Variants in SCYL2 observed in about 807,000 individuals in gnomAD.
SCYL2 encodes SCY1-like protein 2.
SCYL2 carries 36 observed loss-of-function variants against 100.4 expected under a neutral mutation model. The ratio of observed to expected loss-of-function variants is 0.36; its 90% CI spans 0.27 to 0.47. The LOEUF (loss-of-function observed/expected upper bound fraction) is 0.47. SCYL2 is among the 20% of genes least tolerant of loss of function. SCYL2 has a pLI of 1.00. For missense variants in SCYL2, 902 were observed against 1,083.9 expected, an observed-to-expected ratio of 0.83 and a Z score of 2.36; for synonymous variants, 330 against 359.2, an observed-to-expected ratio of 0.92 and a Z score of 0.92.
chr12:100,320,778 A>C (rs1033215134), intron 10 of SCYL2, among the ~76,000 whole-genome samples: 11 of 152,100 alleles, frequency 7.2e-5, no homozygotes, highest in African/African-American at 2.7e-4. Context: ...AAGTCTGCCT[A>C]TCTCTGTCTC....
chr12:100,305,314 A>G (rs2096332930), intron 4 of SCYL2, among the ~76,000 whole-genome samples: 1 of 152,266 alleles, frequency 6.6e-6, no homozygotes, highest in African/African-American at 2.4e-5. Flanking sequence ...CTCTCAGACC[A>G]CAGTGCAATC....
chr12:100,291,510 C>T lies in SCYL2; in HGVS notation c.185C>T (p.Ala62Val). 6.5e-7 allele frequency: 1 copy of T among 1,536,608 alleles called. No homozygotes were observed. The highest frequency in any genetic ancestry group is 1.3e-5 in the South Asian group (1 of 78,082). Residue 62 changes from alanine (A) to valine (V), a missense_variant, in exon 3 of 18, where the codon GCA (alanine) becomes GTA (valine). Ala to Val is a moderately conservative substitution (Grantham distance 64). Coordinates refer to ENST00000360820, the MANE Select transcript of SCYL2 (RefSeq NM_017988.6). ...GTKKSTKQEV[A>V]VFVFDKKLID... ...CACAATTCTTTTATTTAGGAAGTGG[C>T]AGTTTTTGTCTTTGATAAAAAACTG...
chr12:100,338,973 G>C lies in SCYL2; in HGVS notation c.2591G>C (p.Trp864Ser), dbSNP rs767838633. The C allele has an allele frequency of 6.2e-7, 1 of 1,614,096 alleles. No individual in the cohort carries two copies. Among genetic ancestry groups the C allele is most frequent in the Non-Finnish European group, 8.5e-7 (1 of 1,179,984 alleles). ...NQLSQQKPNQ[W>S]LNQFVPPQGS... Reference sequence around the variant, plus strand: ...TTATCACAACAGAAACCAAATCAGTGGCTTAATCAGTTTGTACCTCCTCAA... The same window carrying C: ...TTATCACAACAGAAACCAAATCAGTCGCTTAATCAGTTTGTACCTCCTCAA... The change falls in exon 18 of 18, where the codon TGG becomes TCG. Residue 864 changes from tryptophan (W) to serine (S), a missense_variant. Transcript: ENST00000360820.
intron 4 of SCYL2, 26 bp from the exon 5 acceptor site, chr12:100,311,018 G>A (rs2096341516): frequency 6.6e-7 from 1 of 1,516,244 alleles, no homozygotes; most frequent in Non-Finnish European, 8.8e-7. Context: ...TTTATTTAGT[G>A]TAAAATGTGT....
Position 100,323,615 on chromosome 12 carries a change from T to C in SCYL2, c.1486T>C (p.Cys496Arg), listed in dbSNP as rs757627086. ...NALIPRIKNA[C>R]LQTSSLAVRV... is the part of the protein sequence containing the mutation. ...TTTGATACCAAGAATTAAAAATGCT[T>C]GTCTACAAACATCTTCCCTTGCGGT... Residue 496 changes from cysteine to arginine, a missense_variant, in exon 11 of 18, where the codon TGT becomes CGT. Physicochemically the swap from Cys to Arg is radical, Grantham distance 180. Coordinates refer to ENST00000360820, the MANE Select transcript of SCYL2 (RefSeq NM_017988.6). 6.3e-7 allele frequency: 1 copy of C among 1,594,584 alleles called. No homozygotes were observed. Among genetic ancestry groups the C allele is most frequent in the Non-Finnish European group, 8.6e-7 (1 of 1,167,172 alleles).
intron 3 of SCYL2, among the ~76,000 whole-genome samples, chr12:100,297,112 G>A (rs556564758): frequency 1.3e-5 from 2 of 152,298 alleles, no homozygotes; most frequent in South Asian, 4.1e-4. Context: ...AGAGCCTAAA[G>A]CCCAAGGCCT....
chr12:100,328,414 G>C (rs1273916441), intron 12 of SCYL2, among the ~76,000 whole-genome samples: 1 of 152,202 alleles, frequency 6.6e-6, no homozygotes, highest in Non-Finnish European at 1.5e-5. Context: ...GTCATTTTAG[G>C]ATTCTTGTGA....
At chr12:100,290,862 G>A (rs1430962986) in intron 2 of SCYL2, among the ~76,000 whole-genome samples, 1 of 151,946 alleles carries the variant, frequency 6.6e-6, no homozygotes, top group Non-Finnish European at 1.5e-5. Flanking sequence ...TTTTTCCTTG[G>A]GTATCTGAGG....
At chr12:100,312,859 T>G (rs1041217257) in intron 6 of SCYL2, among the ~76,000 whole-genome samples, 1 of 152,224 alleles carries the variant, frequency 6.6e-6, no homozygotes, top group South Asian at 2.1e-4. Flanking sequence ...GGCTCACGCC[T>G]GTAATCCCAG....
In SCYL2 at chr12:100,267,345, G is replaced by C; in HGVS notation, c.-476G>C. On this transcript the variant is annotated 5_prime_UTR_variant, in exon 1 of 18. Coordinates refer to ENST00000360820, the MANE Select transcript of SCYL2 (RefSeq NM_017988.6). ...AGGAACAGCCAGGAGGCGTTTATTA[G>C]GGGGGCGGGGGGAAAGAGCCCCAGC... 1 of 339,872 alleles carries C rather than the reference G, an allele frequency of 2.9e-6. No individual in the cohort carries two copies. Among genetic ancestry groups the C allele is most frequent in the South Asian group, 6.4e-5 (1 of 15,712 alleles). 21.1% of individuals were successfully genotyped at this position (339,872 alleles called of 1,614,324 possible). A position where few individuals can be genotyped will look rare whatever the true frequency, so the allele number is the denominator to read the frequency against.
At chr12:100,284,564 G>A (rs769911785) in intron 2 of SCYL2, among the ~76,000 whole-genome samples, 4 of 152,140 alleles carry the variant, frequency 2.6e-5, no homozygotes, top group Non-Finnish European at 5.9e-5. Context: ...CCAGGTTGAA[G>A]CAATTCTCCC....
At position 100,281,019 on chromosome 12, in the gene SCYL2, G is replaced by GTTTTGTTTTTTT. The variant is rs2096297553; in HGVS notation, c.-28-1920_-28-1919insGTTTTTTTTTTT. Among the ~76,000 whole-genome samples the GTTTTGTTTTTTT allele has an allele frequency of 1.5e-3, 78 of 50,486 alleles. 4 individuals are homozygous for GTTTTGTTTTTTT. The highest frequency in any genetic ancestry group is 5.2e-3 in the African/African-American group (76 of 14,516). The allele number at this position is 50,486 out of a possible 152,430, so 33.1% of individuals were successfully genotyped here. ...ATTTTATTGTCCCTTTACCATCAGT[G>GTTTTGTTTTTTT]TTTTTTTTTTTTTTTTTTTTTTTTT... On this transcript the variant is annotated intron_variant, in intron 1 of 17. Coordinates refer to ENST00000360820, the MANE Select transcript of SCYL2 (RefSeq NM_017988.6).
At position 100,315,706 on chromosome 12, in the gene SCYL2, C is replaced by T. The variant is rs2096347868; in HGVS notation, c.1244C>T (p.Pro415Leu). 1 of 1,609,634 alleles carries T rather than the reference C, an allele frequency of 6.2e-7. No individual in the cohort carries two copies. The highest frequency in any genetic ancestry group is 1.1e-5 in the South Asian group (1 of 89,938). ...AAATTAATTCTTCCTGAACTTGGCC[C>T]TGTGTTTAAGCAGCAGGAGCCAATC... is the stretch of plus-strand genomic sequence containing the variant. ...YVKLILPELG[P>L]VFKQQEPIQI... The change falls in exon 9 of 18, where the codon CCT (proline) becomes CTT (leucine). Residue 415 changes from proline (P) to leucine (L), a missense_variant. Physicochemically the swap from Pro to Leu is moderately conservative, Grantham distance 98. Transcript: ENST00000360820.
At chr12:100,332,811 C>T (rs1952227959) in intron 13 of SCYL2, among the ~76,000 whole-genome samples, 1 of 151,048 alleles carries the variant, frequency 6.6e-6, no homozygotes. Context: ...ACCTCCTGGG[C>T]CCAAGTGATC....
chr12:100,297,878 G>A (rs910058169), intron 3 of SCYL2, among the ~76,000 whole-genome samples, 153 bp from the exon 4 acceptor site: 6 of 152,086 alleles, frequency 3.9e-5, no homozygotes, highest in African/African-American at 1.2e-4. Context: ...AACTTTGTTG[G>A]TTTAAGTGGA....
intron 12 of SCYL2, among the ~76,000 whole-genome samples, chr12:100,327,000 C>T (rs928966489): frequency 6.6e-6 from 1 of 152,064 alleles, no homozygotes; most frequent in African/African-American, 2.4e-5. Flanking sequence ...TAGTTTTCCC[C>T]ATAAAATGGT....
intron 3 of SCYL2, among the ~76,000 whole-genome samples, chr12:100,295,453 C>T (rs1244911944): frequency 6.6e-6 from 1 of 152,128 alleles, no homozygotes; most frequent in Non-Finnish European, 1.5e-5. Flanking sequence ...CCCGGCACCT[C>T]GGGAGGCCGA....
At chr12:100,332,825 C>A (rs1952228180) in intron 13 of SCYL2, among the ~76,000 whole-genome samples, 1 of 151,844 alleles carries the variant, frequency 6.6e-6, no homozygotes, top group African/African-American at 2.4e-5. Flanking sequence ...AGTGATCCTC[C>A]CACCTCAGCC....
intron 1 of SCYL2, among the ~76,000 whole-genome samples, chr12:100,270,315 A>G (rs1033802027): frequency 6.6e-6 from 1 of 152,164 alleles, no homozygotes; most frequent in Non-Finnish European, 1.5e-5. Flanking sequence ...AAATTAAGGA[A>G]GAACTGTAGA....
Sources: allele counts gnomAD v4.1 joint callset (sites outside exome capture counted in the v4.1 genomes callset), GRCh38; gene constraint gnomAD v4.1.1; transcripts MANE v1.5; gene names NCBI Gene and HGNC (gene_info 2026-07-23, HGNC 2026-07-21).